The following TBCD variants were observed in gnomAD, a reference collection of about 807,000 sequenced individuals.
The protein encoded by TBCD is tubulin-specific chaperone D.
A neutral mutation model predicts 169.3 loss-of-function variants in TBCD; 105 were observed. That is an observed-to-expected ratio of 0.62 (90% confidence interval 0.53 to 0.73). The LOEUF is 0.73. TBCD is among the 30% of genes least tolerant of loss of function. The pLI is 0.00. For synonymous variants in TBCD, 700 were observed against 643.9 expected, an observed-to-expected ratio of 1.09 and a Z score of -1.32; for missense variants, 1,444 against 1,600.1, an observed-to-expected ratio of 0.90 and a Z score of 1.66.
rs118003529 is a variant in TBCD, at chr17:82,930,212, C to T, written c.2992-310C>T. 6 of 392,148 alleles carry T rather than the reference C, an allele frequency of 1.5e-5. No homozygotes were observed. In the East Asian group the frequency reaches 2.0e-4, roughly 13 times the overall value. 24.3% of individuals were successfully genotyped at this position (392,148 alleles called of 1,614,324 possible). The stretch of plus-strand genomic sequence containing the variant: ...GGGAATTGCGGGGATTATCAAATCC[C>T]GCTTCAGTGGGAAACGTGAGCGAAA... On this transcript the variant is annotated intron_variant, in intron 32 of 38. Transcript: ENST00000355528. This position sits in a 1 kb window ranked among gnomAD's most constrained non-coding sequence, Gnocchi z 5.2.
chr17:82,879,073 T>C (rs1291977462), intron 14 of TBCD, among the ~76,000 whole-genome samples: 2 of 151,118 alleles, frequency 1.3e-5, no homozygotes, highest in African/African-American at 4.9e-5. Context: ...TTTTTTTTTT[T>C]TTTTTTCTTT....
At chr17:82,758,400 A>ATAAAAAAAAAAAT in intron 2 of TBCD, among the ~76,000 whole-genome samples, 1 of 100,060 alleles carries the variant, frequency 1.0e-5, no homozygotes, top group East Asian at 3.1e-4. Context: ...AAAAAAAAAA[A>ATAAAAAAAAAAAT]AAATAAATAA....
intron 23 of TBCD, among the ~76,000 whole-genome samples, chr17:82,916,056 T>C (rs751860362): frequency 1.3e-5 from 2 of 152,198 alleles, no homozygotes; most frequent in Non-Finnish European, 2.9e-5. Context: ...TTCTCTTTCT[T>C]GTTCCGTGGG....
At chr17:82,935,073 A>AAAT (rs112454895) in intron 34 of TBCD, among the ~76,000 whole-genome samples, 9 of 151,090 alleles carry the variant, frequency 6.0e-5, no homozygotes, top group African/African-American at 1.7e-4. Context: ...CAAAAAAAAA[A>AAAT]TTTTTTTTCC....
At position 82,920,617 on chromosome 17, in the gene TBCD, T is replaced by A. The variant is rs1331601169; in HGVS notation, c.2100T>A (p.Ile700=). The A allele has an allele frequency of 2.6e-6, 4 of 1,550,588 alleles. No homozygotes were observed. Among genetic ancestry groups the A allele is most frequent in the Non-Finnish European group, 3.5e-6 (4 of 1,147,294 alleles). Reference sequence around the variant, plus strand: ...TGCCCTTTAGAGGTGACACCGTAATTGGTAAGTGCTTTTGTTTTTAATAAT... The same window carrying A: ...TGCCCTTTAGAGGTGACACCGTAATAGGTAAGTGCTTTTGTTTTTAATAAT... The part of the protein sequence containing the change: ...SKMPFRGDTV[I]DGWQWLINDT... The change falls in exon 24 of 39, where the codon ATT becomes ATA. Residue 700 remains isoleucine, a splice_region_variant and synonymous_variant. Transcript: ENST00000355528. This position sits in a 1 kb window ranked among gnomAD's most constrained non-coding sequence, Gnocchi z 4.1.
chr17:82,871,433 C>T (rs559889565), intron 14 of TBCD, among the ~76,000 whole-genome samples: 1 of 152,298 alleles, frequency 6.6e-6, no homozygotes. Context: ...TGTGAGCCCA[C>T]GGCTGAATCA....
At chr17:82,879,448 C>T (rs1567944738) in intron 14 of TBCD, among the ~76,000 whole-genome samples, 1 of 152,214 alleles carries the variant, frequency 6.6e-6, no homozygotes, top group Non-Finnish European at 1.5e-5. Flanking sequence ...CCTGTGTGAG[C>T]AACAGACTCA....
chr17:82,837,911 G>C (rs1567864187), intron 13 of TBCD, among the ~76,000 whole-genome samples: 1 of 152,258 alleles, frequency 6.6e-6, no homozygotes, highest in Non-Finnish European at 1.5e-5. Flanking sequence ...AAGGGCGTAA[G>C]AACAGTGGGG....
chr17:82,883,320 G>T (rs538401138), intron 14 of TBCD, among the ~76,000 whole-genome samples: 5 of 152,252 alleles, frequency 3.3e-5, no homozygotes, highest in Non-Finnish European at 7.3e-5. Flanking sequence ...GGTAGGAGGC[G>T]CAATCTCTCA....
chr17:82,775,204 G>A (rs1017040468), intron 6 of TBCD, among the ~76,000 whole-genome samples: 8 of 152,246 alleles, frequency 5.3e-5, no homozygotes, highest in African/African-American at 1.9e-4. Flanking sequence ...TTTCCGTGCA[G>A]AACACCTGAG....
At chr17:82,855,517 C>T (rs973048323) in intron 13 of TBCD, among the ~76,000 whole-genome samples, 2 of 151,980 alleles carry the variant, frequency 1.3e-5, no homozygotes, top group Non-Finnish European at 2.9e-5. Flanking sequence ...ATCTACTCAC[C>T]TCGGCCTCCT....
chr17:82,869,281 A>T (rs79499199), intron 13 of TBCD, among the ~76,000 whole-genome samples: 16,252 of 152,272 alleles, frequency 0.11, 1,165 homozygotes, highest in South Asian at 0.29. Flanking sequence ...CCATATACTT[A>T]CACCACGTCC....
intron 7 of TBCD, among the ~76,000 whole-genome samples, chr17:82,785,214 C>T (rs1332870166): frequency 2.8e-5 from 3 of 108,786 alleles, no homozygotes; most frequent in Non-Finnish European, 5.7e-5. Flanking sequence ...ACAGGGGGTC[C>T]ATGCTGTGTG....
rs1221032061 is a variant in TBCD at position 82,752,318 on chromosome 17, G to T, written c.125G>T (p.Arg42Leu). 2 of 1,478,876 alleles carry T rather than the reference G, an allele frequency of 1.4e-6. No homozygotes were observed. Among genetic ancestry groups the T allele is most frequent in the Non-Finnish European group, 1.8e-6 (2 of 1,123,716 alleles). The allele number at this position is 1,478,876 out of a possible 1,614,324, so 91.6% of individuals were successfully genotyped here. ...ESAETRALLGRLREVHGGGAE... is the reference protein window; with the variant it reads ...ESAETRALLGLLREVHGGGAE... ...GCGGAGACCCGGGCGCTGCTGGGCC[G>T]CCTGCGGGAGGTGCACGGCGGCGGC... Residue 42 changes from arginine to leucine, a missense_variant, in exon 1 of 39, where the codon CGC becomes CTC. Arg to Leu is a moderately radical substitution (Grantham distance 102, BLOSUM62 -2). Coordinates refer to ENST00000355528, the MANE Select transcript of TBCD (RefSeq NM_005993.5).
chr17:82,829,907 T>TA, intron 13 of TBCD: 1 of 621,700 alleles, frequency 1.6e-6, no homozygotes, highest in South Asian at 2.0e-5. Flanking sequence ...ATATCAGTCT[T>TA]AGAGTCATTC....
In TBCD at chr17:82,941,702, G is replaced by T. The variant is rs969288349; in HGVS notation, c.3564+219G>T. The T allele has an allele frequency of 9.7e-5, 53 of 546,198 alleles. No individual in the cohort carries two copies. The East Asian group carries it at 1.1e-3, about 11-fold the overall frequency. The allele number at this position is 546,198 out of a possible 1,614,324, so 33.8% of individuals were successfully genotyped here. ...GTGGCATCCAGGCCACTTGCTCTGGGGCGTTTGGGGGGCCGGGGAGTGGGT... is the reference window on the plus strand; with the variant it reads ...GTGGCATCCAGGCCACTTGCTCTGGTGCGTTTGGGGGGCCGGGGAGTGGGT... On this transcript the variant is annotated intron_variant, in intron 38 of 38. Transcript: ENST00000355528.
chr17:82,903,267 G>T lies in TBCD; in HGVS notation c.1731-138G>T, dbSNP rs1004429856. 8.1e-6 allele frequency: 6 copies of T among 740,970 alleles called. No individual in the cohort carries two copies. Among genetic ancestry groups the T allele is most frequent in the Non-Finnish European group, 1.4e-5 (6 of 430,502 alleles). The allele number at this position is 740,970 out of a possible 1,614,324, so 45.9% of individuals were successfully genotyped here. On this transcript the variant is annotated intron_variant, in intron 18 of 38. Transcript: ENST00000355528. The surrounding 1 kb of genome is among the most constrained non-coding windows in gnomAD (Gnocchi z 4.8). ...GAGTCGGAGGTTCTTGTACTGGTTCGTGTGAGTGAGTGAGTGAGCCTCTGC... is the reference window on the plus strand; with the variant it reads ...GAGTCGGAGGTTCTTGTACTGGTTCTTGTGAGTGAGTGAGTGAGCCTCTGC...
rs1460746884 is a variant in TBCD at position 82,884,717 on chromosome 17, TAG to T, written c.1533+522_1533+523del. 3.2e-5 allele frequency: 6 copies of T among 187,724 alleles called. 1 individual carries two copies. Among genetic ancestry groups the T allele is most frequent in the African/African-American group, 1.1e-4 (5 of 43,510 alleles). The allele number at this position is 187,724 out of a possible 1,614,324, so 11.6% of individuals were successfully genotyped here. On this transcript the variant is annotated intron_variant, in intron 15 of 38. Coordinates refer to ENST00000355528, the MANE Select transcript of TBCD (RefSeq NM_005993.5). This position sits in a 1 kb window ranked among gnomAD's most constrained non-coding sequence, Gnocchi z 4.2. ...TTGAACACAGATGGCTGGTTTCCTC[TAG>T]AGAGAGCCCTGTGACGTTTGGGGTG...
chr17:82,928,780 C>T (rs942723596), intron 30 of TBCD, among the ~76,000 whole-genome samples: 216 of 152,240 alleles, frequency 1.4e-3, no homozygotes, highest in African/African-American at 5.0e-3. Flanking sequence ...CACTCTTCTC[C>T]ACCCGCTCCT....
Sources: allele counts gnomAD v4.1 joint callset (sites outside exome capture counted in the v4.1 genomes callset), GRCh38; gene constraint gnomAD v4.1.1; non-coding constraint Gnocchi (gnomAD v3.1); transcripts MANE v1.5; gene names NCBI Gene and HGNC (gene_info 2026-07-23, HGNC 2026-07-21).